Variants in MYLK3 observed in about 807,000 individuals in gnomAD.
MYLK3 encodes myosin light chain kinase 3, also known as MLC kinase.
In MYLK3, 55 loss-of-function variants were observed where a neutral mutation model predicts 76.3. The observed-to-expected ratio is 0.72, with a 90% confidence interval of 0.58 to 0.90. The LOEUF (loss-of-function observed/expected upper bound fraction) is 0.90. Among genes scored for constraint, MYLK3 ranks in the 40% least tolerant of loss-of-function variants. The pLI is 0.00. For synonymous variants in MYLK3, 416 were observed against 425.4 expected (o/e 0.98, Z 0.27); for missense variants, 973 against 1,053.6 (o/e 0.92, Z 1.06).
At chr16:46,738,829 G>A (rs1344579411) in intron 2 of MYLK3, among the ~76,000 whole-genome samples, 1 of 152,142 alleles carries the variant, frequency 6.6e-6, no homozygotes, top group Non-Finnish European at 1.5e-5. Flanking sequence ...GTAGAAGATA[G>A]ACTTCTCTTT....
chr16:46,757,841 G>A (rs932386441), intron 1 of MYLK3, among the ~76,000 whole-genome samples: 12 of 152,182 alleles, frequency 7.9e-5, no homozygotes, highest in East Asian at 5.8e-4. Context: ...GGGAGTCCTC[G>A]GGCAGAACTG....
At chr16:46,726,648 A>G (rs1966841000) in intron 8 of MYLK3, 1 of 69,576 alleles carries the variant, frequency 1.4e-5, no homozygotes, top group African/African-American at 3.9e-5. Context: ...GAGAGAAAGA[A>G]AGAAAGAAGA....
chr16:46,720,167 G>A (rs1245918384), intron 9 of MYLK3, among the ~76,000 whole-genome samples: 1 of 152,178 alleles, frequency 6.6e-6, no homozygotes, highest in East Asian at 1.9e-4. Context: ...AACAGAGCAA[G>A]ACTCCATCTC....
chr16:46,742,753 G>C (rs1169613472), intron 1 of MYLK3, among the ~76,000 whole-genome samples: 1 of 152,180 alleles, frequency 6.6e-6, no homozygotes, highest in Non-Finnish European at 1.5e-5. Flanking sequence ...GCGTGGGGGA[G>C]GCACTTCATC....
At chr16:46,761,988 T>C (rs945387128) in intron 1 of MYLK3, among the ~76,000 whole-genome samples, 3 of 150,884 alleles carry the variant, frequency 2.0e-5, no homozygotes, top group African/African-American at 7.3e-5. Context: ...AATCAGCAAG[T>C]GTTTACCACT....
At chr16:46,748,386 G>C (rs527520363), upstream of MYLK3, 8 of 1,053,826 alleles carry the variant, frequency 7.6e-6, no homozygotes, top group South Asian at 1.5e-4. This position sits in a 1 kb window ranked among gnomAD's most constrained non-coding sequence, Gnocchi z 4.3. Flanking sequence ...CCTTTGCTTT[G>C]CTTATCTCCC....
At chr16:46,735,291 C>T (rs188565969) in intron 3 of MYLK3, among the ~76,000 whole-genome samples, 19 of 152,212 alleles carry the variant, frequency 1.2e-4, no homozygotes, top group African/African-American at 4.1e-4. Context: ...CCGCAACCTC[C>T]GCCTCCCAGG....
At chr16:46,759,595 C>G (rs148258468) in intron 1 of MYLK3, among the ~76,000 whole-genome samples, 2 of 151,616 alleles carry the variant, frequency 1.3e-5, no homozygotes, top group African/African-American at 4.8e-5. Context: ...CTGCAGCTTT[C>G]TTTTCTTTCC....
chr16:46,714,920 GT>G (rs1966722005), intron 9 of MYLK3, among the ~76,000 whole-genome samples: 2 of 152,166 alleles, frequency 1.3e-5, no homozygotes, highest in African/African-American at 4.8e-5. Context: ...TGTTTTTGTT[GT>G]TGTTTTAAAG....
chr16:46,747,093 C>G (rs1198524652), intron 1 of MYLK3, among the ~76,000 whole-genome samples: 2 of 152,172 alleles, frequency 1.3e-5, no homozygotes, highest in Non-Finnish European at 2.9e-5. Context: ...GACCTCACCC[C>G]CCATATCCTT....
chr16:46,760,978 G>C (rs1456713895), intron 1 of MYLK3, among the ~76,000 whole-genome samples: 1 of 152,208 alleles, frequency 6.6e-6, no homozygotes, highest in African/African-American at 2.4e-5. Flanking sequence ...AAGTTGGAAT[G>C]ACACAGTGGC....
intron 8 of MYLK3, chr16:46,725,967 A>G (rs531189035): frequency 6.6e-6 from 1 of 152,290 alleles, no homozygotes; most frequent in East Asian, 1.9e-4. Flanking sequence ...TTCAGGCCTT[A>G]GATTTAAGTC....
rs910440143 is a variant in MYLK3, at chr16:46,702,853, G to A, written c.*4851C>T. ...GAGAAATCACTTGAACTCGGGAGGT[G>A]GATGTTGCAGTAAGCCAAGATTGCG... On this transcript the variant is annotated 3_prime_UTR_variant, in exon 13 of 13. Coordinates refer to ENST00000394809, the MANE Select transcript of MYLK3 (RefSeq NM_182493.3). Among the ~76,000 whole-genome samples the A allele has an allele frequency of 3.3e-5, 5 of 151,712 alleles. 1 individual carries two copies. The Middle Eastern group carries it at 0.01, about 310-fold the overall frequency.
At chr16:46,749,608 G>C (rs1299479320), upstream of MYLK3, among the ~76,000 whole-genome samples, 1 of 152,174 alleles carries the variant, frequency 6.6e-6, no homozygotes, top group East Asian at 1.9e-4. Flanking sequence ...AATAAGCCAG[G>C]CGTGGTGGCA....
At position 46,748,241 on chromosome 16, in the gene MYLK3, C is replaced by T. The variant is rs1275421776; in HGVS notation, c.-48G>A. On this transcript the variant is annotated 5_prime_UTR_variant, in exon 1 of 13. It adds an upstream start codon to the 5' untranslated region. Coordinates refer to ENST00000394809, the MANE Select transcript of MYLK3 (RefSeq NM_182493.3). This position sits in a 1 kb window ranked among gnomAD's most constrained non-coding sequence, Gnocchi z 4.3. Reference sequence around the variant, plus strand: ...CAAGAGCGGGGAATGAGGAGAGGCACAGACCCCTGGTTCTCACTCAGGCGG... The same window carrying T: ...CAAGAGCGGGGAATGAGGAGAGGCATAGACCCCTGGTTCTCACTCAGGCGG... 1 of 1,566,942 alleles carries T rather than the reference C, an allele frequency of 6.4e-7. No homozygotes were observed. Among genetic ancestry groups the T allele is most frequent in the African/African-American group, 1.3e-5 (1 of 74,082 alleles).
At position 46,716,402 on chromosome 16, in the gene MYLK3, ATATG is replaced by A. The variant is rs562412156; in HGVS notation, c.1986-3630_1986-3627del. On this transcript the variant is annotated intron_variant, in intron 9 of 12. Transcript: ENST00000394809. ...ATGTATATATATATAGCCCACATATATATGTATGTGTATATATATATATAGCCCG... is the reference window on the plus strand; with the variant it reads ...ATGTATATATATATAGCCCACATATATATGTGTATATATATATATAGCCCG... Among the ~76,000 whole-genome samples the A allele has an allele frequency of 1.2e-3, 179 of 151,696 alleles. 1 individual carries two copies. The highest frequency in any genetic ancestry group is 4.1e-3 in the African/African-American group (168 of 41,320).
intron 1 of MYLK3, among the ~76,000 whole-genome samples, chr16:46,753,771 G>A (rs1447698793): frequency 2.6e-5 from 4 of 152,128 alleles, no homozygotes; most frequent in Non-Finnish European, 5.9e-5. Flanking sequence ...TAATTAGCTG[G>A]GTGTGGTGGC....
chr16:46,715,572 C>T (rs534461297), intron 9 of MYLK3, among the ~76,000 whole-genome samples: 11 of 152,280 alleles, frequency 7.2e-5, no homozygotes, highest in African/African-American at 2.6e-4. Context: ...ATCTTTTGTG[C>T]TCTGACTCTA....
intron 2 of MYLK3, 83 bp from the exon 3 acceptor site, chr16:46,738,226 C>T (rs1202796098): frequency 9.0e-6 from 11 of 1,227,522 alleles, no homozygotes; most frequent in Non-Finnish European, 8.8e-6. Flanking sequence ...CTGCACAAGG[C>T]CATTCAGTGC....
Sources: gnomAD v4.1 joint callset for allele counts (sites outside exome capture counted in the v4.1 genomes callset) on GRCh38, gnomAD v4.1.1 for gene constraint, Gnocchi (gnomAD v3.1) non-coding constraint, MANE v1.5 for transcripts, NCBI Gene and HGNC (gene_info 2026-07-23, HGNC 2026-07-21) for gene names.